SEMA5A: variants seen among roughly 807,000 people sequenced by gnomAD.
SEMA5A encodes semaphorin-5A.
SEMA5A carries 55 observed loss-of-function variants against 135.5 expected under a neutral mutation model. That is an observed-to-expected ratio of 0.41 (90% CI 0.33 to 0.51). The LOEUF (loss-of-function observed/expected upper bound fraction) is 0.51. Ranked by LOEUF, SEMA5A falls within the 20% of genes least tolerant of loss-of-function variation. The pLI is 0.37. For synonymous variants in SEMA5A, 580 were observed against 546.5 expected (o/e 1.06, Z -0.85); for missense variants, 1,290 against 1,419.9 (o/e 0.91, Z 1.47).
chr5:9,241,691 C>T (rs969017217), intron 5 of SEMA5A, among the ~76,000 whole-genome samples: 2 of 151,994 alleles, frequency 1.3e-5, no homozygotes, highest in African/African-American at 4.8e-5. Context: ...TGCACACAGA[C>T]ATACTACGGT....
At chr5:9,120,330 C>T in intron 14 of SEMA5A, among the ~76,000 whole-genome samples, 1 of 151,816 alleles carries the variant, frequency 6.6e-6, no homozygotes, top group East Asian at 1.9e-4. Flanking sequence ...GAAGGTCCTG[C>T]TATAAATAAT....
intron 21 of SEMA5A, among the ~76,000 whole-genome samples, chr5:9,049,647 T>A (rs1417769535): frequency 6.6e-6 from 1 of 152,204 alleles, no homozygotes; most frequent in Non-Finnish European, 1.5e-5. Flanking sequence ...TCATCATCAG[T>A]CACACATGTG....
intron 1 of SEMA5A, among the ~76,000 whole-genome samples, chr5:9,471,478 T>C: frequency 6.6e-6 from 1 of 152,172 alleles, no homozygotes; most frequent in South Asian, 2.1e-4. Flanking sequence ...TACCAATACA[T>C]AATCCACCAG....
chr5:9,512,791 C>T (rs558175708), intron 1 of SEMA5A, among the ~76,000 whole-genome samples: 4 of 152,154 alleles, frequency 2.6e-5, no homozygotes, highest in Non-Finnish European at 4.4e-5. Context: ...ATCCTTTCAA[C>T]GAAAGCACCA....
At chr5:9,393,714 C>A (rs559985678) in intron 2 of SEMA5A, among the ~76,000 whole-genome samples, 2 of 152,176 alleles carry the variant, frequency 1.3e-5, no homozygotes, top group East Asian at 1.9e-4. Context: ...GTCTAACAAA[C>A]AAATTAGTGT....
At chr5:9,399,035 C>T (rs1458823881) in intron 2 of SEMA5A, among the ~76,000 whole-genome samples, 2 of 152,154 alleles carry the variant, frequency 1.3e-5, no homozygotes, top group Admixed American at 6.5e-5. Flanking sequence ...TAAGATAGTG[C>T]TAAGATAGTT....
chr5:9,058,282 T>A (rs1467228130), intron 18 of SEMA5A, among the ~76,000 whole-genome samples: 2 of 152,194 alleles, frequency 1.3e-5, no homozygotes, highest in Non-Finnish European at 2.9e-5. Flanking sequence ...GGTTAGGTCC[T>A]GGGCAAGTGA....
intron 1 of SEMA5A, among the ~76,000 whole-genome samples, chr5:9,544,989 T>A (rs892781467): frequency 6.6e-6 from 1 of 152,218 alleles, no homozygotes; most frequent in Non-Finnish European, 1.5e-5. Context: ...CTCGCCTAGC[T>A]GCAGCGCACC....
intron 15 of SEMA5A, among the ~76,000 whole-genome samples, chr5:9,113,344 A>G (rs2150166213): frequency 6.6e-6 from 1 of 152,268 alleles, no homozygotes; most frequent in Admixed American, 6.5e-5. Context: ...GAAAATCTAA[A>G]TCACCTTGAA....
intron 16 of SEMA5A, among the ~76,000 whole-genome samples, chr5:9,107,083 C>T (rs889933751): frequency 6.6e-6 from 1 of 152,164 alleles, no homozygotes; most frequent in Non-Finnish European, 1.5e-5. Context: ...TGCTCAGCCT[C>T]ACAAACCAAA....
At chr5:9,200,990 C>G (rs868444666) in intron 9 of SEMA5A, among the ~76,000 whole-genome samples, 3 of 152,184 alleles carry the variant, frequency 2.0e-5, no homozygotes, top group Non-Finnish European at 4.4e-5. Context: ...GACTGTTGGT[C>G]ATCCTACCTC....
intron 12 of SEMA5A, among the ~76,000 whole-genome samples, chr5:9,137,100 C>T (rs923330412): frequency 6.6e-6 from 1 of 152,140 alleles, no homozygotes; most frequent in Admixed American, 6.5e-5. Flanking sequence ...TTACTGTTAC[C>T]ATCACCATAA....
rs145243101 is a variant in SEMA5A, at chr5:9,471,561, C to T, written c.-174-33709G>A. The stretch of plus-strand genomic sequence containing the variant: ...TTGATTTAAGACTAGAAATAACTTA[C>T]GACAATTAAAAAAACATTTTTAGCA... On this transcript the variant is annotated intron_variant, in intron 1 of 22. Coordinates refer to ENST00000382496, the MANE Select transcript of SEMA5A (RefSeq NM_003966.3). 1.9e-3 allele frequency among the ~76,000 whole-genome samples: 291 copies of T among 152,068 alleles called. 1 individual carries two copies. Among genetic ancestry groups the T allele is most frequent in the African/African-American group, 6.7e-3 (277 of 41,474 alleles).
intron 5 of SEMA5A, among the ~76,000 whole-genome samples, chr5:9,283,076 T>C (rs950627219): frequency 2.6e-5 from 4 of 152,212 alleles, no homozygotes; most frequent in African/African-American, 9.7e-5. Flanking sequence ...GTGCATTGTT[T>C]TAAGCCACTG....
intron 12 of SEMA5A, among the ~76,000 whole-genome samples, chr5:9,138,359 A>G (rs1315001372): frequency 6.6e-6 from 1 of 152,108 alleles, no homozygotes; most frequent in African/African-American, 2.4e-5. Flanking sequence ...ATATATACAT[A>G]TATATATTTT....
chr5:9,441,293 T>C (rs1029929758), intron 1 of SEMA5A, among the ~76,000 whole-genome samples: 1 of 152,204 alleles, frequency 6.6e-6, no homozygotes, highest in Non-Finnish European at 1.5e-5. Flanking sequence ...GGAAATGTGA[T>C]GTGGGCTCTA....
rs1306654174 is a variant in SEMA5A, at chr5:9,039,495, C to T, written c.*3402G>A. 6.6e-6 allele frequency: 1 copy of T among 152,224 alleles called. No individual in the cohort carries two copies. Among genetic ancestry groups the T allele is most frequent in the East Asian group, 1.9e-4 (1 of 5,194 alleles). 9.4% of individuals were successfully genotyped at this position (152,224 alleles called of 1,614,324 possible). On this transcript the variant is annotated 3_prime_UTR_variant, in exon 23 of 23. Coordinates refer to ENST00000382496, the MANE Select transcript of SEMA5A (RefSeq NM_003966.3). The stretch of plus-strand genomic sequence containing the variant: ...TCTCTTTTCAATTCCTTTAGAACCT[C>T]AGCCCCACACATACATTTATTAAAT...
At chr5:9,452,282 TCTC>T (rs1758673603) in intron 1 of SEMA5A, among the ~76,000 whole-genome samples, 1 of 152,156 alleles carries the variant, frequency 6.6e-6, no homozygotes, top group Admixed American at 6.5e-5. Flanking sequence ...GGAGCCCCCT[TCTC>T]CTCAATTCCA....
intron 3 of SEMA5A, among the ~76,000 whole-genome samples, chr5:9,350,308 C>A (rs1046608595): frequency 6.6e-6 from 1 of 152,126 alleles, no homozygotes; most frequent in Non-Finnish European, 1.5e-5. Flanking sequence ...ACTTTTTTCT[C>A]GGGAACCGTA....
Sources: gnomAD v4.1 joint callset for allele counts (sites outside exome capture counted in the v4.1 genomes callset) on GRCh38, gnomAD v4.1.1 for gene constraint, MANE v1.5 for transcripts, NCBI Gene and HGNC (gene_info 2026-07-23, HGNC 2026-07-21) for gene names.